Variants in SPAG16 observed in about 807,000 individuals in gnomAD.
SPAG16 encodes the protein sperm associated antigen 16.
SPAG16 carries 86 observed loss-of-function variants against 80.4 expected under a neutral mutation model. The ratio of observed to expected loss-of-function variants is 1.07; its 90% CI spans 0.90 to 1.28. The LOEUF is 1.28. SPAG16 is among the 50% of genes most tolerant of loss of function. The probability of loss-of-function intolerance (pLI) is 0.00; values close to 1 mark genes in which losing one functional copy is unlikely to be tolerated. For missense variants in SPAG16, 870 were observed against 765.3 expected, an observed-to-expected ratio of 1.14 and a Z score of -1.61; for synonymous variants, 294 against 265.9, an observed-to-expected ratio of 1.11 and a Z score of -1.03.
chr2:213,397,320 C>G (rs898074220), intron 9 of SPAG16, among the ~76,000 whole-genome samples: 31 of 152,158 alleles, frequency 2.0e-4, no homozygotes, highest in African/African-American at 6.5e-4. Flanking sequence ...ACTGTTCTCT[C>G]TACTCCACTC....
intron 10 of SPAG16, among the ~76,000 whole-genome samples, chr2:213,588,772 G>A (rs1472726989): frequency 5.1e-5 from 6 of 118,774 alleles, no homozygotes; most frequent in African/African-American, 1.9e-4. Context: ...ACTGCAGTCC[G>A]CAGTCCGGCC....
At chr2:214,082,404 G>C (rs796299493) in intron 13 of SPAG16, among the ~76,000 whole-genome samples, 2 of 152,196 alleles carry the variant, frequency 1.3e-5, no homozygotes, top group African/African-American at 4.8e-5. Flanking sequence ...CATGACTTTT[G>C]GGAACCTGAT....
intron 3 of SPAG16, among the ~76,000 whole-genome samples, chr2:213,297,750 A>G (rs748755214): frequency 2.6e-5 from 4 of 152,170 alleles, no homozygotes; most frequent in Admixed American, 6.5e-5. Flanking sequence ...GGAATGCTTA[A>G]TATGGCTTTC....
At chr2:214,348,775 C>T (rs1698217199) in intron 15 of SPAG16, among the ~76,000 whole-genome samples, 3 of 152,110 alleles carry the variant, frequency 2.0e-5, no homozygotes, top group Admixed American at 2.0e-4. Flanking sequence ...AGAAAAATCC[C>T]CCACCGCACC....
chr2:214,251,112 C>T (rs1199876596), intron 15 of SPAG16, among the ~76,000 whole-genome samples: 5 of 151,528 alleles, frequency 3.3e-5, no homozygotes, highest in Admixed American at 2.6e-4. Context: ...TTTTAATGTT[C>T]TTTCCTATGA....
At chr2:213,681,103 T>C (rs1407660603) in intron 10 of SPAG16, among the ~76,000 whole-genome samples, 1 of 152,168 alleles carries the variant, frequency 6.6e-6, no homozygotes, top group Non-Finnish European at 1.5e-5. Flanking sequence ...CTGGCTCTTA[T>C]TTGATTGTCT....
chr2:213,340,092 T>C (rs1244203623), intron 5 of SPAG16, 71 bp from the exon 6 acceptor site: 1 of 955,756 alleles, frequency 1.0e-6, no homozygotes, highest in Non-Finnish European at 1.6e-6. Flanking sequence ...ATACTGGATT[T>C]GAACTCAAGA....
chr2:214,148,276 T>C (rs2055761638), intron 14 of SPAG16, among the ~76,000 whole-genome samples: 1 of 152,096 alleles, frequency 6.6e-6, no homozygotes, highest in Non-Finnish European at 1.5e-5. Flanking sequence ...AAGTAGATGC[T>C]CAATAAACAT....
At chr2:214,045,081 C>A (rs1404322889) in intron 13 of SPAG16, among the ~76,000 whole-genome samples, 2 of 152,178 alleles carry the variant, frequency 1.3e-5, no homozygotes, top group Non-Finnish European at 2.9e-5. Context: ...AGTGCTTATG[C>A]AGCCCCTCCC....
intron 13 of SPAG16, among the ~76,000 whole-genome samples, chr2:214,045,742 C>T (rs553341063): frequency 1.3e-5 from 2 of 152,016 alleles, no homozygotes; most frequent in Admixed American, 1.3e-4. Flanking sequence ...GCTTTAAGTG[C>T]CTACATCAAA....
intron 14 of SPAG16, among the ~76,000 whole-genome samples, chr2:214,135,317 A>C (rs1203295716): frequency 1.3e-5 from 2 of 152,108 alleles, no homozygotes; most frequent in Non-Finnish European, 2.9e-5. Flanking sequence ...CTTTATTTCT[A>C]GTTACTCTTC....
chr2:213,938,511 T>C (rs948370554), intron 12 of SPAG16, among the ~76,000 whole-genome samples: 1 of 152,050 alleles, frequency 6.6e-6, no homozygotes, highest in Non-Finnish European at 1.5e-5. Context: ...CTATCTTAAA[T>C]ATTTTAAATT....
At chr2:214,190,196 G>A (rs1471525415) in intron 15 of SPAG16, among the ~76,000 whole-genome samples, 2 of 151,990 alleles carry the variant, frequency 1.3e-5, no homozygotes, top group South Asian at 4.1e-4. Flanking sequence ...CCTCAATACT[G>A]GTAATCTCTC....
chr2:213,702,377 T>G (rs1008664047), intron 10 of SPAG16, among the ~76,000 whole-genome samples: 2 of 152,248 alleles, frequency 1.3e-5, no homozygotes, highest in African/African-American at 4.8e-5. Context: ...TAAATCTTGC[T>G]GCTGCTGTTT....
chr2:214,022,492 A>G (rs951509282), intron 13 of SPAG16, among the ~76,000 whole-genome samples: 22 of 152,302 alleles, frequency 1.4e-4, no homozygotes, highest in Non-Finnish European at 3.2e-4. Flanking sequence ...TAAATGATCA[A>G]TCATATGATG....
chr2:214,153,013 C>T lies in SPAG16; in HGVS notation c.1720+3747C>T, dbSNP rs1017277252. On this transcript the variant is annotated intron_variant, in intron 15 of 15. Transcript: ENST00000331683. The stretch of plus-strand genomic sequence containing the variant: ...CATCACAGGGAGATGGTTAGGCCTC[C>T]GGATAACTGCGGGCAAGCCTGACTA... Among the ~76,000 whole-genome samples, 19 of 152,200 alleles carry T rather than the reference C, an allele frequency of 1.2e-4. No individual in the cohort carries two copies. The East Asian group carries it at 2.3e-3, about 19-fold the overall frequency.
At chr2:214,118,390 T>G (rs887944277) in intron 14 of SPAG16, among the ~76,000 whole-genome samples, 20 of 152,184 alleles carry the variant, frequency 1.3e-4, no homozygotes, top group African/African-American at 4.8e-4. Flanking sequence ...ATTAATATTG[T>G]TAAAATATCT....
chr2:213,894,770 C>T (rs2076922488), intron 11 of SPAG16, among the ~76,000 whole-genome samples: 1 of 151,874 alleles, frequency 6.6e-6, no homozygotes, highest in Admixed American at 6.6e-5. Flanking sequence ...GCAGGAAGAT[C>T]ACGAGGTCAG....
intron 5 of SPAG16, among the ~76,000 whole-genome samples, chr2:213,318,587 A>G (rs1287899405): frequency 1.3e-5 from 2 of 151,930 alleles, no homozygotes; most frequent in South Asian, 2.1e-4. Flanking sequence ...CTTCATCACT[A>G]TGCAATATAT....
Sources: gnomAD v4.1 joint callset for allele counts (sites outside exome capture counted in the v4.1 genomes callset) on GRCh38, gnomAD v4.1.1 for gene constraint, MANE v1.5 for transcripts, NCBI Gene and HGNC (gene_info 2026-07-23, HGNC 2026-07-21) for gene names.